Variants in PKIB observed in about 807,000 individuals in gnomAD.
The protein encoded by PKIB is PKI-beta.
PKIB carries 2 observed loss-of-function variants against 4.5 expected under a neutral mutation model. The observed-to-expected ratio is 0.44, with a 90% CI of 0.18 to 1.39. The LOEUF is 1.39. Ranked by LOEUF, PKIB falls within the 40% of genes most tolerant of loss-of-function variation. The probability of loss-of-function intolerance (pLI) is 0.27; values close to 1 mark genes in which losing one functional copy is unlikely to be tolerated. For synonymous variants in PKIB, 38 were observed against 36.0 expected (o/e 1.06, Z -0.20); for missense variants, 94 against 92.6 (o/e 1.02, Z -0.06).
At chr6:122,543,280 C>T (rs1582688243) in intron 2 of PKIB, among the ~76,000 whole-genome samples, 1 of 151,970 alleles carries the variant, frequency 6.6e-6, no homozygotes, top group Admixed American at 6.6e-5. Flanking sequence ...AGAAATCACC[C>T]ATCTTCTGCA....
intron 2 of PKIB, among the ~76,000 whole-genome samples, chr6:122,546,833 A>T (rs1016128415): frequency 1.3e-5 from 2 of 152,150 alleles, no homozygotes; most frequent in African/African-American, 4.8e-5. Context: ...GGACAAAAGG[A>T]TACATAAGAG....
intron 1 of PKIB, among the ~76,000 whole-genome samples, chr6:122,628,042 CT>C (rs68139551): frequency 2.2e-3 from 309 of 142,328 alleles, no homozygotes; most frequent in Middle Eastern, 7.1e-3. Flanking sequence ...GTATCCAGTT[CT>C]TTTTTTTTTT....
intron 3 of PKIB, among the ~76,000 whole-genome samples, chr6:122,696,082 A>G (rs1778558776): frequency 6.6e-6 from 1 of 152,178 alleles, no homozygotes; most frequent in Non-Finnish European, 1.5e-5. Context: ...TCACTGAGGG[A>G]TGATGCACTT....
chr6:122,576,668 CAAAA>C (rs71867898), intron 2 of PKIB, among the ~76,000 whole-genome samples: 2 of 12,016 alleles, frequency 1.7e-4, no homozygotes, highest in African/African-American at 4.4e-4. Context: ...GACTCCATCT[CAAAA>C]AAAAAAAAAA....
At chr6:122,534,591 A>G (rs781523708) in intron 2 of PKIB, among the ~76,000 whole-genome samples, 5 of 152,176 alleles carry the variant, frequency 3.3e-5, no homozygotes, top group Admixed American at 2.0e-4. Context: ...GCATAAAAGC[A>G]AGTCTCAAAA....
intron 1 of PKIB, among the ~76,000 whole-genome samples, chr6:122,622,724 C>T (rs752228886): frequency 4.7e-5 from 7 of 149,050 alleles, no homozygotes; most frequent in Admixed American, 2.6e-4. Flanking sequence ...TCACCCCTAC[C>T]GGAGAAGTAG....
At chr6:122,703,890 C>G (rs1222416889) in intron 3 of PKIB, among the ~76,000 whole-genome samples, 6 of 148,922 alleles carry the variant, frequency 4.0e-5, no homozygotes, top group African/African-American at 1.2e-4. Context: ...AATGCTCGCT[C>G]TCTATATAAA....
At chr6:122,555,420 T>A (rs1426313949) in intron 2 of PKIB, among the ~76,000 whole-genome samples, 1 of 152,236 alleles carries the variant, frequency 6.6e-6, no homozygotes, top group Non-Finnish European at 1.5e-5. Flanking sequence ...AGGAGGTTTT[T>A]GGCTATGAGT....
At chr6:122,680,889 C>T (rs1454763033) in intron 3 of PKIB, among the ~76,000 whole-genome samples, 1 of 152,178 alleles carries the variant, frequency 6.6e-6, no homozygotes, top group African/African-American at 2.4e-5. Context: ...TCAATGACCT[C>T]CTGTTACTAT....
At chr6:122,524,227 CTCT>C (rs1230430396) in intron 2 of PKIB, among the ~76,000 whole-genome samples, 3 of 140,082 alleles carry the variant, frequency 2.1e-5, no homozygotes, top group African/African-American at 8.2e-5. Flanking sequence ...CCCCCTCCTC[CTCT>C]TCCTCATCCT....
chr6:122,648,905 G>A (rs545055279), intron 2 of PKIB, among the ~76,000 whole-genome samples: 1 of 152,120 alleles, frequency 6.6e-6, no homozygotes, highest in Non-Finnish European at 1.5e-5. Flanking sequence ...CAACTTCCTT[G>A]TTGAGTGGAA....
At chr6:122,577,302 C>T (rs1341811356) in intron 2 of PKIB, among the ~76,000 whole-genome samples, 1 of 152,072 alleles carries the variant, frequency 6.6e-6, no homozygotes, top group Non-Finnish European at 1.5e-5. Flanking sequence ...AATAATTTTT[C>T]CTGGGATGAG....
intron 3 of PKIB, among the ~76,000 whole-genome samples, chr6:122,715,627 T>C (rs952449949): frequency 2.7e-5 from 4 of 147,060 alleles, no homozygotes; most frequent in African/African-American, 9.9e-5. Context: ...AGAGAGATTA[T>C]TTCATCACTC....
At chr6:122,630,853 C>T (rs1186619924) in intron 1 of PKIB, among the ~76,000 whole-genome samples, 1 of 152,046 alleles carries the variant, frequency 6.6e-6, no homozygotes, top group Non-Finnish European at 1.5e-5. Context: ...GTAGGATAAT[C>T]AGTATCATCC....
intron 2 of PKIB, among the ~76,000 whole-genome samples, chr6:122,519,754 C>T (rs1345166283): frequency 5.3e-5 from 8 of 152,150 alleles, no homozygotes; most frequent in South Asian, 4.1e-4. Context: ...CTATTAAAGA[C>T]TCACATTCAT....
chr6:122,635,388 C>T (rs1159315249), intron 2 of PKIB, among the ~76,000 whole-genome samples: 13 of 151,946 alleles, frequency 8.6e-5, no homozygotes, highest in Non-Finnish European at 1.6e-4. Flanking sequence ...TAAAACACTA[C>T]GTTTAAGTGA....
At chr6:122,544,358 T>TA (rs1228229634) in intron 2 of PKIB, among the ~76,000 whole-genome samples, 1 of 134,290 alleles carries the variant, frequency 7.4e-6, no homozygotes, top group Non-Finnish European at 1.5e-5. Context: ...TAACCCTAAA[T>TA]AAAATATTAA....
Position 122,698,780 on chromosome 6 carries a change from A to T in PKIB, c.-8-19007A>T, listed in dbSNP as rs562662466. 2.6e-5 allele frequency among the ~76,000 whole-genome samples: 4 copies of T among 152,302 alleles called. No homozygotes were observed. In the South Asian group the frequency reaches 8.3e-4, roughly 32 times the overall value. Reference sequence around the variant, plus strand: ...TGAAATTAAAGAAAATTTGCAAAAGAATATGTTGTCTCCAGAACCCAAAAA... The same window carrying T: ...TGAAATTAAAGAAAATTTGCAAAAGTATATGTTGTCTCCAGAACCCAAAAA... On this transcript the variant is annotated intron_variant, in intron 3 of 4. Transcript: ENST00000368452.
At chr6:122,618,219 A>G (rs1775073795) in intron 1 of PKIB, among the ~76,000 whole-genome samples, 1 of 152,146 alleles carries the variant, frequency 6.6e-6, no homozygotes, top group Non-Finnish European at 1.5e-5. Context: ...TCATTACTTT[A>G]GCTATTAGCA....
Sources: allele counts gnomAD v4.1 joint callset (sites outside exome capture counted in the v4.1 genomes callset), GRCh38; gene constraint gnomAD v4.1.1; transcripts MANE v1.5; gene names NCBI Gene and HGNC (gene_info 2026-07-23, HGNC 2026-07-21).